The following PPFIA2 variants were observed in gnomAD, a reference collection of about 807,000 sequenced individuals.
The protein encoded by PPFIA2 is PPFI scaffold protein A2.
Under a neutral mutation model 175.5 loss-of-function variants are expected in PPFIA2, and 46 were observed. The observed-to-expected ratio is 0.26, with a 90% CI of 0.21 to 0.34. PPFIA2 has a LOEUF of 0.34. Ranked by LOEUF, PPFIA2 falls within the 10% of genes least tolerant of loss-of-function variation. The pLI is 1.00. For synonymous variants in PPFIA2, 568 were observed against 511.4 expected, an observed-to-expected ratio of 1.11 and a Z score of -1.49; for missense variants, 1,179 against 1,506.1, an observed-to-expected ratio of 0.78 and a Z score of 3.60.
intron 4 of PPFIA2, among the ~76,000 whole-genome samples, chr12:81,592,957 T>G (rs1305064693): frequency 6.6e-6 from 1 of 151,786 alleles, no homozygotes; most frequent in East Asian, 1.9e-4. Flanking sequence ...GGGGTTTCTC[T>G]GTGTTGCCTA....
At chr12:81,377,502 G>A (rs1250660937) in intron 9 of PPFIA2, among the ~76,000 whole-genome samples, 9 of 151,116 alleles carry the variant, frequency 6.0e-5, no homozygotes, top group Admixed American at 5.3e-4. Context: ...GCAGTGAGCC[G>A]AGATCGCACC....
At chr12:81,280,892 A>G (rs1471315294) in intron 27 of PPFIA2, among the ~76,000 whole-genome samples, 1 of 145,188 alleles carries the variant, frequency 6.9e-6, no homozygotes, top group Non-Finnish European at 1.5e-5. Context: ...ATATTTGTGT[A>G]GAGTTGAAAC....
At chr12:81,437,361 C>G (rs1199031224) in intron 7 of PPFIA2, among the ~76,000 whole-genome samples, 1 of 152,110 alleles carries the variant, frequency 6.6e-6, no homozygotes, top group Non-Finnish European at 1.5e-5. Context: ...TCCCAAGTAG[C>G]TGGGACTACA....
chr12:81,295,643 C>G (rs2046265260), intron 23 of PPFIA2, among the ~76,000 whole-genome samples: 1 of 152,112 alleles, frequency 6.6e-6, no homozygotes, highest in Admixed American at 6.5e-5. Context: ...GAAGTTAAAA[C>G]TCAAATCATT....
chr12:81,367,108 C>A lies in PPFIA2; in HGVS notation c.1545G>T (p.Lys515Asn). The change falls in exon 14 of 33, where the codon AAG (lysine) becomes AAT (asparagine). Residue 515 changes from lysine to asparagine, a missense_variant and splice_region_variant. Physicochemically the swap from Lys to Asn is moderately conservative, Grantham distance 94. Around this residue, in one of 10 missense-constraint regions of PPFIA2, gnomAD observed 186 missense variants for 163.6 expected, o/e 1.14. Transcript: ENST00000549396. The stretch of plus-strand genomic sequence containing the variant: ...CCCAAAACATAAGTTTCCATTATAC[C>A]TTATCATGTAAAGATTCTTCAAGAT... ...RKNLEESLHD[K>N]ERLAEEIEKL... is the part of the protein sequence containing the mutation. 2 of 1,455,706 alleles carry A rather than the reference C, an allele frequency of 1.4e-6. No individual in the cohort carries two copies. Among genetic ancestry groups the A allele is most frequent in the Non-Finnish European group, 1.8e-6 (2 of 1,096,962 alleles). 90.2% of individuals were successfully genotyped at this position (1,455,706 alleles called of 1,614,324 possible). A position where few individuals can be genotyped will look rare whatever the true frequency, so the allele number is the denominator to read the frequency against.
chr12:81,536,898 TC>T (rs1377591484), intron 4 of PPFIA2, among the ~76,000 whole-genome samples: 1 of 150,694 alleles, frequency 6.6e-6, no homozygotes, highest in Non-Finnish European at 1.5e-5. Flanking sequence ...ACGCTATATT[TC>T]AAATATAGCA....
intron 4 of PPFIA2, among the ~76,000 whole-genome samples, chr12:81,539,816 T>A (rs909026670): frequency 6.6e-6 from 1 of 151,936 alleles, no homozygotes; most frequent in Non-Finnish European, 1.5e-5. Flanking sequence ...ACACTTAGAT[T>A]AATGTTTTCA....
rs3075479 is a variant in PPFIA2, at chr12:81,675,231, TAGAG to T, written c.303+1556_303+1559del. On this transcript the variant is annotated intron_variant, in intron 4 of 32. Coordinates refer to ENST00000549396, the MANE Select transcript of PPFIA2 (RefSeq NM_003625.5). ...ACACACACACACACACATATATATA[TAGAG>T]AGAGAGAGATAAAGTTGTATAACTC... 9.4e-3 allele frequency among the ~76,000 whole-genome samples: 1,421 copies of T among 150,848 alleles called. 18 individuals are homozygous for T. Among genetic ancestry groups the T allele is most frequent in the African/African-American group, 0.028 (1,142 of 41,242 alleles).
At chr12:81,478,503 G>A (rs1332956586) in intron 4 of PPFIA2, among the ~76,000 whole-genome samples, 1 of 151,910 alleles carries the variant, frequency 6.6e-6, no homozygotes, top group South Asian at 2.1e-4. Flanking sequence ...TGTGATTTTA[G>A]GTTGTTCATT....
At chr12:81,598,129 A>G in intron 4 of PPFIA2, 2 of 1,503,014 alleles carry the variant, frequency 1.3e-6, no homozygotes, top group Non-Finnish European at 1.8e-6. Flanking sequence ...GAGGGAGACT[A>G]GAGGGTAAAA....
chr12:81,636,331 T>C (rs2064029838), intron 4 of PPFIA2, among the ~76,000 whole-genome samples: 1 of 146,012 alleles, frequency 6.8e-6, no homozygotes, highest in Non-Finnish European at 1.5e-5. Context: ...AGTGGCGGGA[T>C]CTCGGCTCAC....
intron 2 of PPFIA2, among the ~76,000 whole-genome samples, chr12:81,755,920 T>C (rs2084580244): frequency 6.6e-6 from 1 of 152,162 alleles, no homozygotes; most frequent in African/African-American, 2.4e-5. Flanking sequence ...TAAAACTGTT[T>C]CTTGCATTTA....
chr12:81,311,120 T>A (rs1443371258), intron 22 of PPFIA2, among the ~76,000 whole-genome samples: 1 of 152,220 alleles, frequency 6.6e-6, no homozygotes, highest in African/African-American at 2.4e-5. Flanking sequence ...ATATTATGCA[T>A]ATTTTATTTT....
At chr12:81,406,189 G>A (rs987410759) in intron 7 of PPFIA2, among the ~76,000 whole-genome samples, 5 of 151,964 alleles carry the variant, frequency 3.3e-5, no homozygotes, top group African/African-American at 4.8e-5. Flanking sequence ...TAAAATCAAT[G>A]ATATATTTGT....
intron 4 of PPFIA2, among the ~76,000 whole-genome samples, chr12:81,629,666 C>G (rs2063142868): frequency 6.6e-6 from 1 of 152,168 alleles, no homozygotes; most frequent in Non-Finnish European, 1.5e-5. Flanking sequence ...TTCATTCCAG[C>G]ACCCATCAAG....
intron 25 of PPFIA2, 60 bp downstream of exon 25, chr12:81,284,181 C>T: frequency 1.5e-6 from 2 of 1,297,938 alleles, no homozygotes; most frequent in Non-Finnish European, 2.2e-6. Flanking sequence ...GATTAGTTTC[C>T]TCATCCAAAG....
chr12:81,674,090 ACT>A (rs902392511), intron 4 of PPFIA2, among the ~76,000 whole-genome samples: 23 of 151,674 alleles, frequency 1.5e-4, no homozygotes, highest in African/African-American at 4.6e-4. Flanking sequence ...AACAAACTTC[ACT>A]CTTTTTTCTA....
At chr12:81,722,735 T>C (rs1304768025) in intron 3 of PPFIA2, among the ~76,000 whole-genome samples, 1 of 150,980 alleles carries the variant, frequency 6.6e-6, no homozygotes, top group Non-Finnish European at 1.5e-5. Context: ...TTTTATATTA[T>C]CAAAATATTA....
chr12:81,445,000 C>T (rs1197205228), intron 6 of PPFIA2, among the ~76,000 whole-genome samples: 1 of 151,978 alleles, frequency 6.6e-6, no homozygotes, highest in African/African-American at 2.4e-5. Context: ...AATATCTAAA[C>T]ACAGGTTTTT....
Sources: gnomAD v4.1 joint callset for allele counts (sites outside exome capture counted in the v4.1 genomes callset) on GRCh38, gnomAD v4.1.1 for gene constraint, gnomAD v4.1.1 regional missense constraint, MANE v1.5 for transcripts, NCBI Gene and HGNC (gene_info 2026-07-23, HGNC 2026-07-21) for gene names.